FAM163A: variants seen among roughly 807,000 people sequenced by gnomAD.
FAM163A encodes the protein family with sequence similarity 163 member A.
FAM163A carries 7 observed loss-of-function variants against 12.0 expected under a neutral mutation model. The observed-to-expected ratio is 0.58, with a 90% CI of 0.33 to 1.10. FAM163A has a LOEUF of 1.10. FAM163A is among the 50% of genes least tolerant of loss of function. FAM163A has a pLI of 0.03. For synonymous variants in FAM163A, 101 were observed against 91.0 expected, an observed-to-expected ratio of 1.11 and a Z score of -0.62; for missense variants, 202 against 218.6, an observed-to-expected ratio of 0.92 and a Z score of 0.48.
At chr1:179,774,779 G>A (rs1386770811) in intron 1 of FAM163A, among the ~76,000 whole-genome samples, 1 of 152,148 alleles carries the variant, frequency 6.6e-6, no homozygotes, top group Non-Finnish European at 1.5e-5. Flanking sequence ...GACCCTGGAC[G>A]AACTCATCTC....
At chr1:179,779,646 G>A (rs1010684265) in intron 1 of FAM163A, among the ~76,000 whole-genome samples, 1 of 152,196 alleles carries the variant, frequency 6.6e-6, no homozygotes, top group African/African-American at 2.4e-5. Context: ...AAACCAAATG[G>A]TAATGTGCAT....
intron 1 of FAM163A, among the ~76,000 whole-genome samples, chr1:179,786,976 G>A (rs917404590): frequency 4.6e-5 from 7 of 152,220 alleles, no homozygotes; most frequent in African/African-American, 1.7e-4. Flanking sequence ...CACCCTGGCC[G>A]CATCAGGCCT....
chr1:179,766,536 T>C (rs777733122), intron 1 of FAM163A, among the ~76,000 whole-genome samples: 19 of 152,230 alleles, frequency 1.2e-4, no homozygotes, highest in Non-Finnish European at 2.5e-4. Flanking sequence ...CTTGTATCTT[T>C]GGGTCTTCAT....
intron 1 of FAM163A, among the ~76,000 whole-genome samples, chr1:179,797,254 C>G (rs1571531558): frequency 6.6e-6 from 1 of 152,164 alleles, no homozygotes; most frequent in Non-Finnish European, 1.5e-5. Context: ...CGAGACCAGC[C>G]TGGCCAACAT....
At chr1:179,765,748 T>C (rs531328441) in intron 1 of FAM163A, among the ~76,000 whole-genome samples, 7 of 151,712 alleles carry the variant, frequency 4.6e-5, no homozygotes, top group African/African-American at 1.5e-4. Flanking sequence ...TTAGATAGTC[T>C]TTCTCTCTCA....
chr1:179,803,542 C>T (rs1693483189), intron 1 of FAM163A, among the ~76,000 whole-genome samples: 1 of 152,140 alleles, frequency 6.6e-6, no homozygotes, highest in Non-Finnish European at 1.5e-5. Context: ...CTCTACTAGA[C>T]AAATGGCCTT....
intron 3 of FAM163A, among the ~76,000 whole-genome samples, 195 bp from the exon 4 acceptor site, chr1:179,812,881 C>T (rs1694892143): frequency 6.6e-6 from 1 of 152,204 alleles, no homozygotes; most frequent in African/African-American, 2.4e-5. Context: ...TACTCAACTT[C>T]GCCCACTTAG....
chr1:179,750,862 G>A (rs568754403), intron 1 of FAM163A, among the ~76,000 whole-genome samples: 1 of 152,232 alleles, frequency 6.6e-6, no homozygotes, highest in Non-Finnish European at 1.5e-5. Context: ...AGACTGGAAA[G>A]TTTGTAGTGG....
intron 1 of FAM163A, among the ~76,000 whole-genome samples, chr1:179,743,788 G>C (rs1488669471): frequency 6.6e-6 from 1 of 152,138 alleles, no homozygotes; most frequent in African/African-American, 2.4e-5. Flanking sequence ...CCCCCGGGCC[G>C]TGCCGAAGGC....
intron 1 of FAM163A, among the ~76,000 whole-genome samples, chr1:179,803,160 C>T (rs920596663): frequency 4.6e-5 from 7 of 152,196 alleles, no homozygotes; most frequent in African/African-American, 1.7e-4. Flanking sequence ...AAAAAAACTT[C>T]TTCTCTGGGA....
chr1:179,729,050 G>A, the FAM163A span, among the ~76,000 whole-genome samples: 1 of 152,270 alleles, frequency 6.6e-6, no homozygotes, highest in Non-Finnish European at 1.5e-5. Flanking sequence ...GGATCAGAAC[G>A]GACCCTTTTG....
chr1:179,790,495 G>A (rs528121664), intron 1 of FAM163A, among the ~76,000 whole-genome samples: 4 of 152,198 alleles, frequency 2.6e-5, no homozygotes, highest in South Asian at 2.1e-4. Context: ...GCACTGAGCA[G>A]CCCCTCCAAC....
chr1:179,750,716 G>T (rs1183707538), intron 1 of FAM163A, among the ~76,000 whole-genome samples: 1 of 152,192 alleles, frequency 6.6e-6, no homozygotes, highest in Non-Finnish European at 1.5e-5. Flanking sequence ...TGAGCAGTAG[G>T]ATGACAGATT....
At chr1:179,806,976 C>T (rs879359915) in intron 1 of FAM163A, among the ~76,000 whole-genome samples, 1 of 152,020 alleles carries the variant, frequency 6.6e-6, no homozygotes, top group Admixed American at 6.5e-5. Context: ...GTGGCATGTG[C>T]CTGTAGTACC....
chr1:179,812,513 C>T (rs1009552341), intron 3 of FAM163A, among the ~76,000 whole-genome samples: 7 of 152,216 alleles, frequency 4.6e-5, no homozygotes, highest in African/African-American at 1.7e-4. Flanking sequence ...CTTTCCCCGC[C>T]AGCCCGGGCC....
At chr1:179,809,115 A>T (rs1055906728) in intron 2 of FAM163A, among the ~76,000 whole-genome samples, 18 of 150,714 alleles carry the variant, frequency 1.2e-4, no homozygotes, top group Middle Eastern at 3.4e-3. Context: ...TCAAAAAAAA[A>T]TTTTTTTTTT....
chr1:179,760,900 C>T (rs1319402460), intron 1 of FAM163A, among the ~76,000 whole-genome samples: 3 of 152,250 alleles, frequency 2.0e-5, no homozygotes, highest in African/African-American at 4.8e-5. Flanking sequence ...ACTCCTGGCA[C>T]ACCAAGTGAC....
chr1:179,734,892 A>G, the FAM163A span, among the ~76,000 whole-genome samples: 1 of 152,198 alleles, frequency 6.6e-6, no homozygotes, highest in Non-Finnish European at 1.5e-5. Flanking sequence ...GTAAGAGAGG[A>G]AGAGCTGTTT....
chr1:179,802,315 A>G (rs942818118), intron 1 of FAM163A, among the ~76,000 whole-genome samples: 20 of 152,186 alleles, frequency 1.3e-4, no homozygotes, highest in Non-Finnish European at 1.5e-4. Context: ...TATGCCTCTC[A>G]TGCTTGGTTG....
Sources: allele counts gnomAD v4.1 joint callset (sites outside exome capture counted in the v4.1 genomes callset), GRCh38; gene constraint gnomAD v4.1.1; transcripts MANE v1.5; gene names NCBI Gene and HGNC (gene_info 2026-07-23, HGNC 2026-07-21).